KMT5B: variants seen among roughly 807,000 people sequenced by gnomAD.
KMT5B encodes the protein lysine methyltransferase 5B.
In KMT5B, 10 loss-of-function variants were observed where a neutral mutation model predicts 83.2. That is an observed-to-expected ratio of 0.12 (90% confidence interval 0.07 to 0.20). The LOEUF is 0.20. Among genes scored for constraint, KMT5B ranks in the 10% least tolerant of loss-of-function variants. The pLI is 1.00. For synonymous variants in KMT5B, 349 were observed against 388.8 expected (o/e 0.90, Z 1.20); for missense variants, 753 against 1,067.2 (o/e 0.71, Z 4.10).
At chr11:68,163,010 T>G (rs569406882) in intron 10 of KMT5B, among the ~76,000 whole-genome samples, 1 of 149,096 alleles carries the variant, frequency 6.7e-6, no homozygotes, top group South Asian at 2.2e-4. Context: ...AGGAAGACAG[T>G]GGCCACAATG....
intron 1 of KMT5B, among the ~76,000 whole-genome samples, chr11:68,195,158 C>T (rs962224316): frequency 6.6e-6 from 1 of 151,596 alleles, no homozygotes; most frequent in Non-Finnish European, 1.5e-5. Flanking sequence ...GCCTGGGTGA[C>T]AGAGTGAAAA....
intron 10 of KMT5B, chr11:68,165,965 C>T (rs764920772): frequency 4.3e-6 from 7 of 1,612,774 alleles, no homozygotes; most frequent in Middle Eastern, 1.6e-4. Context: ...TGGAAGAGAG[C>T]ACCCAGTGTT....
intron 1 of KMT5B, among the ~76,000 whole-genome samples, chr11:68,210,772 G>A (rs1860794805): frequency 2.0e-5 from 3 of 152,154 alleles, no homozygotes; most frequent in African/African-American, 7.2e-5. Context: ...GGAGCGGAGG[G>A]AGGACACATG....
At chr11:68,170,299 G>A (rs1855724372) in intron 9 of KMT5B, among the ~76,000 whole-genome samples, 1 of 152,192 alleles carries the variant, frequency 6.6e-6, no homozygotes, top group Non-Finnish European at 1.5e-5. Context: ...ACTGAACAAG[G>A]TGGTGTGAGT....
chr11:68,198,104 G>C (rs890503191), intron 1 of KMT5B, among the ~76,000 whole-genome samples: 1 of 152,186 alleles, frequency 6.6e-6, no homozygotes, highest in Non-Finnish European at 1.5e-5. Context: ...CTGTAGTAGA[G>C]TATAGACAAA....
chr11:68,186,980 T>C (rs1857494588), intron 2 of KMT5B, among the ~76,000 whole-genome samples: 1 of 152,164 alleles, frequency 6.6e-6, no homozygotes, highest in Non-Finnish European at 1.5e-5. Context: ...TGAAATACAA[T>C]TCACATACGA....
intron 1 of KMT5B, among the ~76,000 whole-genome samples, chr11:68,211,375 T>C (rs933732122): frequency 4.6e-5 from 7 of 152,170 alleles, no homozygotes; most frequent in Admixed American, 3.9e-4. Context: ...TTGGAAATGA[T>C]CATGGATAAA....
At chr11:68,213,397 C>CGTCGCG, upstream of KMT5B, 4 of 145,980 alleles carry the variant, frequency 2.7e-5, no homozygotes, top group East Asian at 8.0e-4. Flanking sequence ...CCGCCGCCGC[C>CGTCGCG]GTCGCGCCCC....
chr11:68,165,235 G>A (rs758181869), intron 10 of KMT5B, among the ~76,000 whole-genome samples: 7 of 152,182 alleles, frequency 4.6e-5, no homozygotes, highest in Non-Finnish European at 8.8e-5. Context: ...GGGTGCAGTG[G>A]CTCACACCTA....
intron 1 of KMT5B, among the ~76,000 whole-genome samples, chr11:68,211,657 T>A (rs1009792809): frequency 6.6e-6 from 1 of 152,128 alleles, no homozygotes; most frequent in African/African-American, 2.4e-5. Flanking sequence ...CCAACGGCTG[T>A]GTGTGTGAAG....
intron 1 of KMT5B, among the ~76,000 whole-genome samples, chr11:68,207,174 A>G (rs933577423): frequency 1.5e-4 from 23 of 151,390 alleles, no homozygotes; most frequent in African/African-American, 5.6e-4. Context: ...AGATTGCGCC[A>G]CTGCACTCCA....
In KMT5B at chr11:68,188,422, G is replaced by A. The variant is rs562170536; in HGVS notation, c.160+1495C>T. On this transcript the variant is annotated intron_variant, in intron 2 of 10. Transcript: ENST00000304363. ...TGCAGTGGTGTGATCTCGGCTCACTGCAACCTCTAACTCCTGGGCTCAAGT... is the reference window on the plus strand; with the variant it reads ...TGCAGTGGTGTGATCTCGGCTCACTACAACCTCTAACTCCTGGGCTCAAGT... 4.0e-5 allele frequency among the ~76,000 whole-genome samples: 6 copies of A among 150,620 alleles called. No homozygotes were observed. The East Asian group carries it at 1.2e-3, about 30-fold the overall frequency.
intron 4 of KMT5B, chr11:68,179,466 A>C: frequency 7.7e-7 from 1 of 1,304,154 alleles, no homozygotes; most frequent in Middle Eastern, 2.1e-4. Flanking sequence ...ACACTCCCAC[A>C]CACCTGTTCC....
At chr11:68,180,766 T>C (rs887205808) in intron 3 of KMT5B, among the ~76,000 whole-genome samples, 3 of 152,200 alleles carry the variant, frequency 2.0e-5, no homozygotes, top group African/African-American at 4.8e-5. Flanking sequence ...GGGGCATTAC[T>C]GAAAGCATCG....
rs1297651072 is a variant in KMT5B at position 68,171,807 on chromosome 11, A to G, written c.654-98T>C. 1 of 1,027,246 alleles carries G rather than the reference A, an allele frequency of 9.7e-7. No homozygotes were observed. The highest frequency in any genetic ancestry group is 1.6e-5 in the African/African-American group (1 of 61,444). 63.6% of individuals were successfully genotyped at this position (1,027,246 alleles called of 1,614,324 possible). A position where few individuals can be genotyped will look rare whatever the true frequency, so the allele number is the denominator to read the frequency against. On this transcript the variant is annotated intron_variant, in intron 6 of 10. Transcript: ENST00000304363. This position sits in a 1 kb window ranked among gnomAD's most constrained non-coding sequence, Gnocchi z 5.1. ...CCTGACAATAAATATCAGAAACTGA[A>G]AAGGCCTAGCTGTCTATACTTTAGT...
intron 10 of KMT5B, among the ~76,000 whole-genome samples, chr11:68,164,511 C>T (rs1036976165): frequency 3.9e-5 from 6 of 152,136 alleles, no homozygotes; most frequent in African/African-American, 4.8e-5. Flanking sequence ...CCTAAGAGAA[C>T]GCATGTAAGA....
chr11:68,156,489 AAACT>A lies in KMT5B; in HGVS notation c.*1195_*1198del, dbSNP rs779923272. 9 of 152,642 alleles carry A rather than the reference AAACT, an allele frequency of 5.9e-5. No homozygotes were observed. The highest frequency in any genetic ancestry group is 1.4e-4 in the African/African-American group (6 of 41,450). 9.5% of individuals were successfully genotyped at this position (152,642 alleles called of 1,614,324 possible). ...AAAAAATCTTTGATGTTTTCATAAT[AAACT>A]AACATAAACTAACATAAGCCAAGAA... On this transcript the variant is annotated 3_prime_UTR_variant, in exon 11 of 11. Coordinates refer to ENST00000304363, the MANE Select transcript of KMT5B (RefSeq NM_017635.5).
intron 9 of KMT5B, among the ~76,000 whole-genome samples, chr11:68,169,962 G>A (rs1012659884): frequency 6.6e-6 from 1 of 152,010 alleles, no homozygotes; most frequent in Non-Finnish European, 1.5e-5. Context: ...ATGGCAAGGA[G>A]CCCACTCAGT....
rs748516664 is a variant in KMT5B, at chr11:68,185,939, C to A, written c.161-11G>T. The A allele has an allele frequency of 7.7e-6, 12 of 1,565,218 alleles. No individual in the cohort carries two copies. Among genetic ancestry groups the A allele is most frequent in the Non-Finnish European group, 8.7e-6 (10 of 1,153,752 alleles). On this transcript the variant is annotated splice_polypyrimidine_tract_variant and intron_variant, in intron 2 of 10. Transcript: ENST00000304363. ...CCGAGTTACCATTACCTGTGAAAAG[C>A]AAAAGCAAGAAAAATTACTCAAATT...
Sources: allele counts gnomAD v4.1 joint callset (sites outside exome capture counted in the v4.1 genomes callset), GRCh38; gene constraint gnomAD v4.1.1; non-coding constraint Gnocchi (gnomAD v3.1); transcripts MANE v1.5; gene names NCBI Gene and HGNC (gene_info 2026-07-23, HGNC 2026-07-21).